The following PTPRT variants were observed in gnomAD, a reference collection of about 807,000 sequenced individuals.
PTPRT encodes the protein protein tyrosine phosphatase receptor type T.
Under a neutral mutation model 176.8 loss-of-function variants are expected in PTPRT, and 56 were observed. That is an observed-to-expected ratio of 0.32 (90% confidence interval 0.26 to 0.40). The LOEUF (loss-of-function observed/expected upper bound fraction) is 0.40. Ranked by LOEUF, PTPRT falls within the 10% of genes least tolerant of loss-of-function variation. PTPRT has a pLI of 1.00. For synonymous variants in PTPRT, 783 were observed against 739.0 expected, an observed-to-expected ratio of 1.06 and a Z score of -0.96; for missense variants, 1,540 against 1,908.2, an observed-to-expected ratio of 0.81 and a Z score of 3.60.
At chr20:43,101,149 T>G (rs1386056540) in intron 1 of PTPRT, among the ~76,000 whole-genome samples, 1 of 152,124 alleles carries the variant, frequency 6.6e-6, no homozygotes, top group Non-Finnish European at 1.5e-5. Flanking sequence ...GCATCACCTC[T>G]GAAGCATACA....
intron 9 of PTPRT, among the ~76,000 whole-genome samples, chr20:42,357,039 C>T (rs906622987): frequency 6.6e-6 from 1 of 152,174 alleles, no homozygotes; most frequent in Non-Finnish European, 1.5e-5. Flanking sequence ...TCTTATTTTA[C>T]GTTTCCAGAG....
At chr20:42,902,558 G>C (rs1396066959) in intron 1 of PTPRT, among the ~76,000 whole-genome samples, 1 of 152,138 alleles carries the variant, frequency 6.6e-6, no homozygotes, top group Non-Finnish European at 1.5e-5. Context: ...TCTACCCTGG[G>C]AAAATCAGCC....
chr20:42,265,354 TCA>T (rs766003989), intron 13 of PTPRT, among the ~76,000 whole-genome samples: 7 of 152,214 alleles, frequency 4.6e-5, no homozygotes, highest in Non-Finnish European at 1.0e-4. Context: ...CATCTGACCC[TCA>T]GTTTCCTCAT....
intron 6 of PTPRT, among the ~76,000 whole-genome samples, chr20:42,736,929 C>T (rs1265067233): frequency 6.6e-6 from 1 of 152,192 alleles, no homozygotes; most frequent in East Asian, 1.9e-4. Flanking sequence ...GTGCAGACCT[C>T]TGTATGGGCA....
intron 15 of PTPRT, among the ~76,000 whole-genome samples, chr20:42,213,821 C>G (rs2055704522): frequency 6.6e-6 from 1 of 152,104 alleles, no homozygotes. Flanking sequence ...CCTCCAACAC[C>G]TTGATTTTGG....
chr20:42,429,522 C>A (rs191859386), intron 9 of PTPRT, among the ~76,000 whole-genome samples: 1 of 152,096 alleles, frequency 6.6e-6, no homozygotes, highest in Non-Finnish European at 1.5e-5. Flanking sequence ...CCCTGCAAGG[C>A]GCTCTTTCAG....
intron 6 of PTPRT, among the ~76,000 whole-genome samples, chr20:42,704,204 TC>T (rs1251819677): frequency 1.3e-5 from 2 of 152,108 alleles, no homozygotes; most frequent in Non-Finnish European, 2.9e-5. Flanking sequence ...AGATATTCAA[TC>T]ATAGAATTGT....
intron 8 of PTPRT, among the ~76,000 whole-genome samples, chr20:42,459,518 T>C (rs1409692270): frequency 1.3e-5 from 2 of 152,164 alleles, no homozygotes; most frequent in African/African-American, 4.8e-5. Flanking sequence ...CAGAGCACAG[T>C]GGTTTGGACC....
chr20:42,561,470 C>T (rs1243741688), intron 7 of PTPRT, among the ~76,000 whole-genome samples: 4 of 152,166 alleles, frequency 2.6e-5, no homozygotes, highest in Non-Finnish European at 5.9e-5. Context: ...GCCTTGGGGA[C>T]ATCTTAAGGA....
chr20:42,614,296 A>G (rs1267783638), intron 7 of PTPRT, among the ~76,000 whole-genome samples: 1 of 152,130 alleles, frequency 6.6e-6, no homozygotes, highest in African/African-American at 2.4e-5. Context: ...ACACACACCT[A>G]ATGACCTTAT....
intron 1 of PTPRT, among the ~76,000 whole-genome samples, chr20:42,987,870 A>G (rs2903624): frequency 0.54 from 81,404 of 152,010 alleles, 21,985 homozygotes; most frequent in African/African-American, 0.6. Context: ...GCTTGACGGG[A>G]GCTGGGGATC....
At chr20:43,150,278 A>G (rs1480046373) in intron 1 of PTPRT, among the ~76,000 whole-genome samples, 2 of 152,138 alleles carry the variant, frequency 1.3e-5, no homozygotes, top group African/African-American at 2.4e-5. Flanking sequence ...ACCCTGAGAC[A>G]AAAAATAAAT....
intron 1 of PTPRT, among the ~76,000 whole-genome samples, chr20:42,941,088 A>AAATAAT (rs528920602): frequency 3.5e-4 from 52 of 150,472 alleles, no homozygotes; most frequent in Middle Eastern, 3.4e-3. Context: ...TCTCAAAAAA[A>AAATAAT]AATAATAATA....
chr20:42,375,591 A>T (rs1303335825), intron 9 of PTPRT, among the ~76,000 whole-genome samples: 5 of 152,298 alleles, frequency 3.3e-5, no homozygotes, highest in Admixed American at 3.3e-4. Flanking sequence ...GCCTCCTAGA[A>T]GTTTGAGAAA....
At chr20:42,780,424 G>A (rs7265982) in intron 3 of PTPRT, 125 bp from the exon 4 acceptor site, 84,110 of 677,294 alleles carry the variant, frequency 0.12, 6,286 homozygotes, top group South Asian at 0.25. Flanking sequence ...GAAACCTTCT[G>A]TTAAGACAGC....
chr20:42,472,701 C>T, intron 7 of PTPRT, 139 bp from the exon 8 acceptor site: 2 of 843,316 alleles, frequency 2.4e-6, no homozygotes, highest in Non-Finnish European at 3.6e-6. Context: ...ATTTTTGACA[C>T]AGGCAATATA....
chr20:42,384,119 G>A (rs1048498593), intron 9 of PTPRT, among the ~76,000 whole-genome samples: 2 of 152,188 alleles, frequency 1.3e-5, no homozygotes, highest in Non-Finnish European at 1.5e-5. Context: ...GGGGCTTCAC[G>A]TTAAATGTGG....
intron 17 of PTPRT, among the ~76,000 whole-genome samples, chr20:42,153,675 G>A (rs1989228528): frequency 6.6e-6 from 1 of 152,110 alleles, no homozygotes; most frequent in Admixed American, 6.5e-5. Context: ...CAATTTTGGG[G>A]ATCCCCATAA....
chr20:42,874,261 C>T (rs756832296), intron 2 of PTPRT, among the ~76,000 whole-genome samples: 7 of 152,086 alleles, frequency 4.6e-5, no homozygotes, highest in South Asian at 4.2e-4. Context: ...CGCTGACACA[C>T]GACTGTTTTT....
Sources: gnomAD v4.1 joint callset for allele counts (sites outside exome capture counted in the v4.1 genomes callset) on GRCh38, gnomAD v4.1.1 for gene constraint, MANE v1.5 for transcripts, NCBI Gene and HGNC (gene_info 2026-07-23, HGNC 2026-07-21) for gene names.